Variants in LRRC9 observed in about 807,000 individuals in gnomAD.
LRRC9 encodes the protein leucine-rich repeat-containing protein 9.
In LRRC9, 122 loss-of-function variants were observed where a neutral mutation model predicts 63.2. That is an observed-to-expected ratio of 1.93 (90% CI 1.67 to 2.24). The LOEUF (loss-of-function observed/expected upper bound fraction) is 2.24. Among genes scored for constraint, LRRC9 ranks in the 30% most tolerant of loss-of-function variants. The pLI is 0.00. For synonymous variants in LRRC9, 366 were observed against 213.1 expected, an observed-to-expected ratio of 1.72 and a Z score of -6.25; for missense variants, 1,071 against 627.7, an observed-to-expected ratio of 1.71 and a Z score of -7.55.
At position 59,958,439 on chromosome 14, in the gene LRRC9, C is replaced by G. The variant is rs1328137230; in HGVS notation, c.883-1379C>G. On this transcript the variant is annotated intron_variant, in intron 8 of 31. Transcript: ENST00000445360. The surrounding 1 kb of genome is among the most constrained non-coding windows in gnomAD (Gnocchi z 4.0). ...CTTAGCACTGTCAGGGAAAAACCAC[C>G]TACTAAAGCCTCAGTAATGGTGGAC... Among the ~76,000 whole-genome samples the G allele has an allele frequency of 1.3e-5, 2 of 152,200 alleles. No individual in the cohort carries two copies. Among genetic ancestry groups the G allele is most frequent in the East Asian group, 3.9e-4 (2 of 5,188 alleles).
chr14:60,051,293 C>G lies in LRRC9; in HGVS notation c.3991-1772C>G, dbSNP rs1893867830. Among the ~76,000 whole-genome samples, 1 of 152,190 alleles carries G rather than the reference C, an allele frequency of 6.6e-6. No homozygotes were observed. Among genetic ancestry groups the G allele is most frequent in the Non-Finnish European group, 1.5e-5 (1 of 68,018 alleles). ...ACTGGCTGGAGTGACTCCAGGCCCC[C>G]CACAAGGGGGCCCCGCCCAGTGAGG... On this transcript the variant is annotated intron_variant, in intron 29 of 31. Transcript: ENST00000445360. This position sits in a 1 kb window ranked among gnomAD's most constrained non-coding sequence, Gnocchi z 4.7.
intron 31 of LRRC9, among the ~76,000 whole-genome samples, chr14:60,062,833 T>C (rs1894738330): frequency 6.6e-6 from 1 of 152,046 alleles, no homozygotes; most frequent in South Asian, 2.1e-4. Flanking sequence ...TAGCTTAGGC[T>C]TGGCTCTTGC....
downstream of LRRC9, among the ~76,000 whole-genome samples, chr14:60,065,538 C>G (rs1453186337): frequency 6.9e-6 from 1 of 145,500 alleles, no homozygotes; most frequent in East Asian, 2.0e-4. Flanking sequence ...ATCTCAGCTA[C>G]TCAGGAGGCT....
At chr14:59,967,755 C>T (rs550165632) in intron 12 of LRRC9, among the ~76,000 whole-genome samples, 5 of 152,058 alleles carry the variant, frequency 3.3e-5, no homozygotes, top group African/African-American at 7.2e-5. Flanking sequence ...TGTAGAGCAG[C>T]GCTTCCCAAC....
Position 60,060,301 on chromosome 14 carries a change from T to C in LRRC9, c.4276+2279T>C, listed in dbSNP as rs911806137. 1.3e-5 allele frequency among the ~76,000 whole-genome samples: 2 copies of C among 152,224 alleles called. No individual in the cohort carries two copies. The highest frequency in any genetic ancestry group is 6.5e-5 in the Admixed American group (1 of 15,280). On this transcript the variant is annotated intron_variant, in intron 31 of 31. Transcript: ENST00000445360. This position sits in a 1 kb window ranked among gnomAD's most constrained non-coding sequence, Gnocchi z 4.0. Reference sequence around the variant, plus strand: ...CTCACTGACAATGCACCTAGTCACCTAATAACTCTGATGGAGAAGTACAAG... The same window carrying C: ...CTCACTGACAATGCACCTAGTCACCCAATAACTCTGATGGAGAAGTACAAG...
At chr14:59,951,764 G>T (rs1335501978) in intron 8 of LRRC9, among the ~76,000 whole-genome samples, 1 of 152,048 alleles carries the variant, frequency 6.6e-6, no homozygotes, top group Non-Finnish European at 1.5e-5. Flanking sequence ...GCTGTGTGAG[G>T]TGTCAGTGTG....
At chr14:59,980,532 T>A (rs1164065152) in intron 15 of LRRC9, among the ~76,000 whole-genome samples, 2 of 152,184 alleles carry the variant, frequency 1.3e-5, no homozygotes, top group Non-Finnish European at 2.9e-5. Flanking sequence ...TATTTTAATA[T>A]CCTATTAAAA....
intron 22 of LRRC9, among the ~76,000 whole-genome samples, chr14:60,007,351 A>T (rs577680332): frequency 2.0e-5 from 3 of 151,906 alleles, no homozygotes; most frequent in African/African-American, 7.2e-5. Flanking sequence ...CAGTAGTTTT[A>T]CTCCCTCTTG....
chr14:60,041,421 C>T (rs1892933006), intron 29 of LRRC9, among the ~76,000 whole-genome samples: 3 of 152,226 alleles, frequency 2.0e-5, no homozygotes, highest in Admixed American at 2.0e-4. Flanking sequence ...ATGGTCTTTT[C>T]ACATAGTCCC....
Position 60,042,168 on chromosome 14 carries a change from G to A in LRRC9, c.3990+10105G>A, listed in dbSNP as rs768397953. On this transcript the variant is annotated intron_variant, in intron 29 of 31. Transcript: ENST00000445360. The surrounding 1 kb of genome is among the most constrained non-coding windows in gnomAD (Gnocchi z 4.2). ...GGTGTCAGTCAGCCCCTACTGGGAC[G>A]TGCCTCCCAGTTAGGCTACTTGGGG... Among the ~76,000 whole-genome samples, 35 of 152,348 alleles carry A rather than the reference G, an allele frequency of 2.3e-4. No homozygotes were observed. The highest frequency in any genetic ancestry group is 5.3e-4 in the African/African-American group (22 of 41,578).
chr14:59,979,880 A>G, intron 15 of LRRC9, among the ~76,000 whole-genome samples: 1 of 151,490 alleles, frequency 6.6e-6, no homozygotes, highest in Non-Finnish European at 1.5e-5. Context: ...TGACGAGTTA[A>G]TGGGTGCAGC....
rs570325107 is a variant in LRRC9 at position 60,042,489 on chromosome 14, C to T, written c.3990+10426C>T. Among the ~76,000 whole-genome samples, 54 of 152,304 alleles carry T rather than the reference C, an allele frequency of 3.5e-4. No homozygotes were observed. The highest frequency in any genetic ancestry group is 1.2e-3 in the African/African-American group (48 of 41,562). ...CTAGCCTCGCTGCTGCCTTGCAGTTCGATCTCAGACTGCTGTGCTGGCAGT... is the reference window on the plus strand; with the variant it reads ...CTAGCCTCGCTGCTGCCTTGCAGTTTGATCTCAGACTGCTGTGCTGGCAGT... On this transcript the variant is annotated intron_variant, in intron 29 of 31. Coordinates refer to ENST00000445360, the Ensembl canonical transcript of LRRC9. The surrounding 1 kb of genome is among the most constrained non-coding windows in gnomAD (Gnocchi z 4.2).
chr14:59,961,188 C>T, intron 10 of LRRC9, 143 bp downstream of exon 10: 1 of 489,842 alleles, frequency 2.0e-6, no homozygotes, highest in South Asian at 3.9e-5. Flanking sequence ...TGAAAATTGG[C>T]AGGCATCTAT....
chr14:59,932,063 T>C lies in LRRC9; in HGVS notation c.543+24T>C. ...AGGTATGTTTAAGTGGAATAATTAA[T>C]TTTTATTTATCATCCTGAATCATGA... On this transcript the variant is annotated intron_variant, in intron 6 of 31. Transcript: ENST00000445360. The surrounding 1 kb of genome is among the most constrained non-coding windows in gnomAD (Gnocchi z 4.7). The C allele has an allele frequency of 1.4e-6, 1 of 692,410 alleles. No individual in the cohort carries two copies. Among genetic ancestry groups the C allele is most frequent in the Non-Finnish European group, 2.6e-6 (1 of 381,116 alleles). 42.9% of individuals were successfully genotyped at this position (692,410 alleles called of 1,614,324 possible). A position where few individuals can be genotyped will look rare whatever the true frequency, so the allele number is the denominator to read the frequency against.
Position 60,060,013 on chromosome 14 carries a change from C to T in LRRC9, c.4276+1991C>T, listed in dbSNP as rs1894552782. ...CAAAGCTTCAAAGGACAGTCTGACT[C>T]TCTTGTTAGGGGCTAGTGCAGCTGG... is the stretch of plus-strand genomic sequence containing the variant. On this transcript the variant is annotated intron_variant, in intron 31 of 31. Transcript: ENST00000445360. The surrounding 1 kb of genome is among the most constrained non-coding windows in gnomAD (Gnocchi z 4.0). Among the ~76,000 whole-genome samples the T allele has an allele frequency of 6.6e-6, 1 of 152,200 alleles. No homozygotes were observed. The highest frequency in any genetic ancestry group is 1.5e-5 in the Non-Finnish European group (1 of 68,032).
At chr14:60,028,069 G>C (rs762607095) in exon 28 of LRRC9, 14 of 701,266 alleles carry the variant, frequency 2.0e-5, no homozygotes, top group Non-Finnish European at 3.1e-5. Flanking sequence ...GGTAAAACTA[G>C]AGAAACTCTT....
chr14:60,034,821 T>A (rs1445142191), intron 29 of LRRC9, among the ~76,000 whole-genome samples: 3 of 152,318 alleles, frequency 2.0e-5, no homozygotes, highest in Admixed American at 6.5e-5. Flanking sequence ...AGTGCAGGTA[T>A]CTCTTTGATG....
At chr14:60,066,199 G>C (rs1482988562), downstream of LRRC9, among the ~76,000 whole-genome samples, 1 of 151,646 alleles carries the variant, frequency 6.6e-6, no homozygotes, top group Non-Finnish European at 1.5e-5. Flanking sequence ...TTTTTGCCTA[G>C]AATATCTAGT....
intron 10 of LRRC9, among the ~76,000 whole-genome samples, chr14:59,963,496 C>G (rs938855510): frequency 1.3e-5 from 2 of 150,688 alleles, no homozygotes; most frequent in East Asian, 3.9e-4. Flanking sequence ...GTCATAGATA[C>G]AGTGTATTTA....
Sources: gnomAD v4.1 joint callset for allele counts (sites outside exome capture counted in the v4.1 genomes callset) on GRCh38, gnomAD v4.1.1 for gene constraint, Gnocchi (gnomAD v3.1) non-coding constraint, MANE v1.5 for transcripts, NCBI Gene and HGNC (gene_info 2026-07-23, HGNC 2026-07-21) for gene names.